The following DOP1A variants were observed in gnomAD, a reference collection of about 807,000 sequenced individuals.
The protein encoded by DOP1A is protein DOP1A.
Under a neutral mutation model 267.6 loss-of-function variants are expected in DOP1A, and 90 were observed. The ratio of observed to expected loss-of-function variants is 0.34; its 90% CI spans 0.28 to 0.40. The LOEUF is 0.40. Among genes scored for constraint, DOP1A ranks in the 10% least tolerant of loss-of-function variants. The probability of loss-of-function intolerance (pLI) is 1.00; values close to 1 mark genes in which losing one functional copy is unlikely to be tolerated. For synonymous variants in DOP1A, 932 were observed against 999.1 expected, an observed-to-expected ratio of 0.93 and a Z score of 1.27; for missense variants, 2,437 against 2,900.4, an observed-to-expected ratio of 0.84 and a Z score of 3.67.
chr6:83,109,028 T>C lies in DOP1A; in HGVS notation c.439T>C (p.Leu147=). ...GKTLKPGLQG[L]LTGILPGLEE... ...AACACTGAAACCTGGTCTACAGGGA[T>C]TGCTTACTGGTATTCTTCCTGGCTT... The change falls in exon 5 of 39, where the codon TTG becomes CTG. Residue 147 remains leucine, a synonymous_variant. Coordinates refer to ENST00000349129, the MANE Select transcript of DOP1A (RefSeq NM_015018.4). 1.2e-6 allele frequency: 2 copies of C among 1,613,740 alleles called. No homozygotes were observed. Among genetic ancestry groups the C allele is most frequent in the Non-Finnish European group, 8.5e-7 (1 of 1,179,870 alleles).
intron 11 of DOP1A, 33 bp downstream of exon 11, chr6:83,122,083 G>A (rs772605386): frequency 1.2e-6 from 2 of 1,600,468 alleles, no homozygotes; most frequent in Non-Finnish European, 1.7e-6. Context: ...GTGACATGAA[G>A]ACATAATATG....
In DOP1A at chr6:83,128,987, A is replaced by G. The variant is rs755079850; in HGVS notation, c.1820A>G (p.Gln607Arg). Residue 607 changes from glutamine (Q) to arginine (R), a missense_variant, in exon 16 of 39, where the codon CAA (glutamine) becomes CGA (arginine). Coordinates refer to ENST00000349129, the MANE Select transcript of DOP1A (RefSeq NM_015018.4). ...SSESGFTEFI[Q>R]YQADRTDDID... ...GAGAGTGGATTCACTGAGTTTATAC[A>G]ATATCAAGCAGACCGAACTGATGAT... is the stretch of plus-strand genomic sequence containing the variant. 1.1e-5 allele frequency: 18 copies of G among 1,611,400 alleles called. No homozygotes were observed. Among genetic ancestry groups the G allele is most frequent in the Non-Finnish European group, 1.4e-5 (16 of 1,178,822 alleles).
rs1779381382 is a variant in DOP1A at position 83,140,127 on chromosome 6, T to A, written c.5232+16T>A. ...GTATCACCAAGTAAGACTGCACAAA[T>A]ATTTGACTTCTTTTGAAAGACTGTG... On this transcript the variant is annotated intron_variant, in intron 22 of 38. Transcript: ENST00000349129. 1 of 1,608,034 alleles carries A rather than the reference T, an allele frequency of 6.2e-7. No individual in the cohort carries two copies. Among genetic ancestry groups the A allele is most frequent in the African/African-American group, 1.3e-5 (1 of 74,886 alleles).
chr6:83,159,808 C>CT lies in DOP1A; in HGVS notation c.6811dup (p.Ser2271PhefsTer13). ...CTCCTGCTTACAGGACTTCAGGGCC[C>CT]TCTGTGGCTGGTCTGGAGACAACGT... On this transcript the variant is annotated frameshift_variant, in exon 37 of 39. Coordinates refer to ENST00000349129, the MANE Select transcript of DOP1A (RefSeq NM_015018.4). LOFTEE classifies it high-confidence loss of function. 6.2e-7 allele frequency: 1 copy of CT among 1,614,136 alleles called. No individual in the cohort carries two copies. Among genetic ancestry groups the CT allele is most frequent in the Non-Finnish European group, 8.5e-7 (1 of 1,180,034 alleles).
chr6:83,159,758 T>C lies in DOP1A; in HGVS notation c.6798-38T>C, dbSNP rs769433056. ...CTTTCCAGGAATTCCTGTGAGTAAA[T>C]GGGTCCAGCTGCTGACAGCACTGTC... On this transcript the variant is annotated intron_variant, in intron 36 of 38. Coordinates refer to ENST00000349129, the MANE Select transcript of DOP1A (RefSeq NM_015018.4). 6 of 1,611,942 alleles carry C rather than the reference T, an allele frequency of 3.7e-6. No individual in the cohort carries two copies. The Admixed American group carries it at 8.4e-5, about 23-fold the overall frequency.
At chr6:83,141,384 A>G (rs1351441745) in intron 23 of DOP1A, among the ~76,000 whole-genome samples, 3 of 152,120 alleles carry the variant, frequency 2.0e-5, no homozygotes, top group Non-Finnish European at 2.9e-5. Context: ...ATGCTGTGCC[A>G]TGTCAAGCTG....
At chr6:83,100,369 A>G (rs1772354319) in intron 3 of DOP1A, among the ~76,000 whole-genome samples, 1 of 152,298 alleles carries the variant, frequency 6.6e-6, no homozygotes. Flanking sequence ...TTACATGTTC[A>G]TGTAACATTC....
chr6:83,085,772 C>T lies in DOP1A; in HGVS notation c.-146-10959C>T, dbSNP rs564304528. Among the ~76,000 whole-genome samples, 11 of 135,896 alleles carry T rather than the reference C, an allele frequency of 8.1e-5. 1 individual carries two copies. Among genetic ancestry groups the T allele is most frequent in the Middle Eastern group, 7.5e-3 (2 of 268 alleles). 89.2% of individuals were successfully genotyped at this position (135,896 alleles called of 152,430 possible). ...AGGAAAACCATTGATGGGTTTTTTG[C>T]GGTATTTTATGTTATGTTATGTTAT... On this transcript the variant is annotated intron_variant, in intron 1 of 38. Transcript: ENST00000349129.
chr6:83,147,258 G>C lies in DOP1A; in HGVS notation c.5699G>C (p.Cys1900Ser). ...TAGAAACATCTTTCTTTGGAAGTCT[G>C]CATGCTTCAGTTTTTCTATGCTTAT... ...KDKKHLSLEV[C>S]MLQFFYAYIQ... The change falls in exon 26 of 39, where the codon TGC becomes TCC. Residue 1900 changes from cysteine (C) to serine (S), a missense_variant. Cys to Ser is a moderately radical substitution (Grantham distance 112, BLOSUM62 -1). This residue lies in a region of DOP1A where 307 missense variants were observed against 308.6 expected (regional missense o/e 0.99). Transcript: ENST00000349129. 1 of 1,493,586 alleles carries C rather than the reference G, an allele frequency of 6.7e-7. No individual in the cohort carries two copies. The highest frequency in any genetic ancestry group is 1.8e-4 in the Middle Eastern group (1 of 5,630). The allele number at this position is 1,493,586 out of a possible 1,614,324, so 92.5% of individuals were successfully genotyped here.
In DOP1A at chr6:83,162,910, A is replaced by G; in HGVS notation, c.7083A>G (p.Lys2361=). The G allele has an allele frequency of 1.2e-6, 2 of 1,612,546 alleles. No homozygotes were observed. Among genetic ancestry groups the G allele is most frequent in the Admixed American group, 1.7e-5 (1 of 59,938 alleles). ...YVVRLAKLLR[K]RAKKNPEEDN... is the part of the protein sequence containing the mutation. ...TACGACTAGCAAAACTTCTTCGGAA[A>G]AGAGCAAAGGTATCGCATTCTTTTG... Residue 2361 remains lysine (K), a synonymous_variant, in exon 38 of 39, where the codon AAA becomes AAG. Transcript: ENST00000349129.
rs201791894 is a variant in DOP1A at position 83,097,874 on chromosome 6, TTTTA to T, written c.138+763_138+766del. 2.2e-4 allele frequency among the ~76,000 whole-genome samples: 33 copies of T among 148,714 alleles called. 1 individual carries two copies. The highest frequency in any genetic ancestry group is 7.3e-4 in the African/African-American group (30 of 41,128). ...TATTTTATTTTATTTTATTATTTTATTTTATTTTATTTTATTTTATTTTCATTTA... is the reference window on the plus strand; with the variant it reads ...TATTTTATTTTATTTTATTATTTTATTTTTATTTTATTTTATTTTCATTTA... On this transcript the variant is annotated intron_variant, in intron 3 of 38. Coordinates refer to ENST00000349129, the MANE Select transcript of DOP1A (RefSeq NM_015018.4).
At position 83,122,982 on chromosome 6, in the gene DOP1A, G is replaced by C; in HGVS notation, c.1340G>C (p.Arg447Thr). 1 of 1,575,780 alleles carries C rather than the reference G, an allele frequency of 6.3e-7. No homozygotes were observed. The highest frequency in any genetic ancestry group is 8.6e-7 in the Non-Finnish European group (1 of 1,166,938). The change falls in exon 12 of 39, where the codon AGG becomes ACG. Residue 447 changes from arginine (R) to threonine (T), a missense_variant and splice_region_variant. Coordinates refer to ENST00000349129, the MANE Select transcript of DOP1A (RefSeq NM_015018.4). Reference sequence around the variant, plus strand: ...GCACGCTGGTTTGAAGAATGTTGTAGGTATGTTAAACTTTCATTCCTTTTA... The same window carrying C: ...GCACGCTGGTTTGAAGAATGTTGTACGTATGTTAAACTTTCATTCCTTTTA... The part of the protein sequence containing the change: ...YVARWFEECC[R>T]RTLHVRLQIG...
intron 34 of DOP1A, among the ~76,000 whole-genome samples, 193 bp from the exon 35 acceptor site, chr6:83,156,989 T>C (rs1782946446): frequency 6.6e-6 from 1 of 152,210 alleles, no homozygotes; most frequent in Admixed American, 6.5e-5. Context: ...GAAAATGACA[T>C]TTGTATTTTG....
intron 11 of DOP1A, among the ~76,000 whole-genome samples, chr6:83,122,495 C>T (rs930744338): frequency 1.3e-5 from 2 of 151,848 alleles, no homozygotes; most frequent in African/African-American, 4.8e-5. Flanking sequence ...ACAATCAAGG[C>T]TGTGAAAATC....
At chr6:83,130,442 T>C (rs1439913067) in intron 17 of DOP1A, 45 bp downstream of exon 17, 1 of 1,554,602 alleles carries the variant, frequency 6.4e-7, no homozygotes, top group East Asian at 2.2e-5. Context: ...ATTACAGCCA[T>C]GTATGATACT....
In DOP1A at chr6:83,138,489, C is replaced by T. The variant is rs1023343146; in HGVS notation, c.4447C>T (p.Arg1483Ter). ...KVTAQDLIGN[R>*]NMQMMSIEIL... The stretch of plus-strand genomic sequence containing the variant: ...TACTGCACAAGATTTAATAGGCAAT[C>T]GAAACATGCAAATGATGAGCATAGA... The change falls in exon 21 of 39, where the codon CGA becomes TGA. Residue 1483 changes from arginine (R) to a stop codon, truncating the protein, a stop_gained. Transcript: ENST00000349129. LOFTEE classifies it high-confidence loss of function. 1 of 1,613,312 alleles carries T rather than the reference C, an allele frequency of 6.2e-7. No homozygotes were observed. The highest frequency in any genetic ancestry group is 8.5e-7 in the Non-Finnish European group (1 of 1,179,922).
intron 6 of DOP1A, among the ~76,000 whole-genome samples, chr6:83,111,665 T>A (rs1428091294): frequency 2.0e-5 from 3 of 152,200 alleles, no homozygotes; most frequent in Non-Finnish European, 4.4e-5. Flanking sequence ...TTTGTGTATC[T>A]TCTTTGGATA....
chr6:83,134,476 A>C (rs1778563874), intron 19 of DOP1A, 189 bp downstream of exon 19: 1 of 493,374 alleles, frequency 2.0e-6, no homozygotes, highest in East Asian at 3.4e-5. Flanking sequence ...CCAGGTTTTT[A>C]CTTTCTGGTT....
chr6:83,145,653 G>A lies in DOP1A; in HGVS notation c.5671G>A (p.Asp1891Asn), dbSNP rs768894221. The A allele has an allele frequency of 1.9e-6, 3 of 1,610,198 alleles. No homozygotes were observed. The highest frequency in any genetic ancestry group is 2.5e-6 in the Non-Finnish European group (3 of 1,178,692). Reference sequence around the variant, plus strand: ...AAAGCAGCCACCAGCCATAGCCAAGGACAAGGTAAGAAAAAACTCTTCTTC... The same window carrying A: ...AAAGCAGCCACCAGCCATAGCCAAGAACAAGGTAAGAAAAAACTCTTCTTC... ...VLKQPPAIAKDKKHLSLEVCM... is the reference protein window; with the variant it reads ...VLKQPPAIAKNKKHLSLEVCM... Residue 1891 changes from aspartate (D) to asparagine (N), a missense_variant, in exon 25 of 39, where the codon GAC (aspartate) becomes AAC (asparagine). By Grantham distance (23) the Asp-to-Asn change is conservative. Transcript: ENST00000349129.
Sources: allele counts gnomAD v4.1 joint callset (sites outside exome capture counted in the v4.1 genomes callset), GRCh38; gene constraint gnomAD v4.1.1; regional missense constraint gnomAD v4.1.1; transcripts MANE v1.5; gene names NCBI Gene and HGNC (gene_info 2026-07-23, HGNC 2026-07-21).